Variants in RSRC1 observed in about 807,000 individuals in gnomAD.
RSRC1 encodes serine/Arginine-related protein 53.
RSRC1 carries 39 observed loss-of-function variants against 49.1 expected under a neutral mutation model. The ratio of observed to expected loss-of-function variants is 0.79; its 90% confidence interval spans 0.61 to 1.04. The LOEUF (loss-of-function observed/expected upper bound fraction) is 1.04. RSRC1 is among the 50% of genes least tolerant of loss of function. The pLI, the probability that RSRC1 is intolerant of heterozygous loss-of-function variation, is 0.00. For synonymous variants in RSRC1, 143 were observed against 130.8 expected (o/e 1.09, Z -0.63); for missense variants, 388 against 402.4 (o/e 0.96, Z 0.31).
At chr3:158,268,112 T>C (rs1167920503) in intron 4 of RSRC1, among the ~76,000 whole-genome samples, 3 of 152,154 alleles carry the variant, frequency 2.0e-5, no homozygotes, top group Non-Finnish European at 4.4e-5. Flanking sequence ...AGAATTTAAG[T>C]AGAGATAGAG....
chr3:158,381,080 T>C lies in RSRC1; in HGVS notation c.583+26172T>C, dbSNP rs563259636. Among the ~76,000 whole-genome samples, 93 of 152,308 alleles carry C rather than the reference T, an allele frequency of 6.1e-4. 1 individual carries two copies. The highest frequency in any genetic ancestry group is 2.2e-3 in the African/African-American group (90 of 41,570). On this transcript the variant is annotated intron_variant, in intron 6 of 9. Transcript: ENST00000611884. Reference sequence around the variant, plus strand: ...ACGTATGTCGTGAATGTATAAAATATATGTAGATACTAGTCTATGTTATTT... The same window carrying C: ...ACGTATGTCGTGAATGTATAAAATACATGTAGATACTAGTCTATGTTATTT...
chr3:158,251,042 T>C (rs1430404790), intron 4 of RSRC1, among the ~76,000 whole-genome samples: 6 of 152,194 alleles, frequency 3.9e-5, no homozygotes, highest in Non-Finnish European at 5.9e-5. Context: ...CCTAGTTTCA[T>C]TCTTCTGCAT....
chr3:158,445,224 A>G (rs888018508), intron 6 of RSRC1, among the ~76,000 whole-genome samples: 2 of 152,196 alleles, frequency 1.3e-5, no homozygotes, highest in African/African-American at 4.8e-5. Context: ...TTGCGGCACT[A>G]TTCACAATAG....
intron 4 of RSRC1, among the ~76,000 whole-genome samples, chr3:158,207,718 A>G (rs1248299496): frequency 6.6e-6 from 1 of 151,960 alleles, no homozygotes; most frequent in Non-Finnish European, 1.5e-5. Flanking sequence ...TAAAGCACAA[A>G]AAGCAAGGAC....
chr3:158,169,755 T>C (rs1334276233), intron 3 of RSRC1, among the ~76,000 whole-genome samples: 2 of 152,156 alleles, frequency 1.3e-5, no homozygotes, highest in Non-Finnish European at 2.9e-5. Context: ...ATTAAGATCC[T>C]CAGTTTCTAT....
At chr3:158,287,748 G>A (rs374968191) in intron 4 of RSRC1, among the ~76,000 whole-genome samples, 5 of 152,096 alleles carry the variant, frequency 3.3e-5, no homozygotes, top group African/African-American at 1.2e-4. Context: ...AATTGTATTT[G>A]TGTGTATTCA....
At chr3:158,530,915 A>AAT (rs1338632835) in intron 7 of RSRC1, among the ~76,000 whole-genome samples, 1 of 138,584 alleles carries the variant, frequency 7.2e-6, no homozygotes, top group East Asian at 2.0e-4. Context: ...ATAATAAATA[A>AAT]AAAAAAAAAG....
chr3:158,476,054 A>G (rs925992532), intron 7 of RSRC1, among the ~76,000 whole-genome samples: 2 of 152,218 alleles, frequency 1.3e-5, no homozygotes, highest in Non-Finnish European at 2.9e-5. Context: ...TATTGCTGAC[A>G]GGGAGAAAGT....
At chr3:158,135,054 A>C (rs1488112026) in intron 3 of RSRC1, among the ~76,000 whole-genome samples, 2 of 152,222 alleles carry the variant, frequency 1.3e-5, no homozygotes, top group Non-Finnish European at 1.5e-5. Flanking sequence ...AATACCCCTA[A>C]ATTCCTTAAA....
intron 7 of RSRC1, among the ~76,000 whole-genome samples, chr3:158,464,058 A>T (rs1737753484): frequency 6.6e-6 from 1 of 152,124 alleles, no homozygotes; most frequent in African/African-American, 2.4e-5. Context: ...GGAAAACTGA[A>T]TAGTATTAAA....
At chr3:158,317,821 A>G (rs138824716) in intron 5 of RSRC1, among the ~76,000 whole-genome samples, 32,869 of 151,794 alleles carry the variant, frequency 0.22, 4,089 homozygotes, top group Non-Finnish European at 0.29. Flanking sequence ...TGGGCTCCCA[A>G]AGTGCTGGGA....
At chr3:158,317,710 C>T (rs1211180068) in intron 5 of RSRC1, among the ~76,000 whole-genome samples, 1 of 152,006 alleles carries the variant, frequency 6.6e-6, no homozygotes, top group Non-Finnish European at 1.5e-5. Context: ...AGGCATATGC[C>T]ACCATGGCTG....
intron 7 of RSRC1, among the ~76,000 whole-genome samples, chr3:158,529,616 C>G (rs984973045): frequency 6.6e-6 from 1 of 151,882 alleles, no homozygotes; most frequent in African/African-American, 2.4e-5. Flanking sequence ...ACTTCTGCTA[C>G]CAGAACAGCT....
intron 6 of RSRC1, among the ~76,000 whole-genome samples, chr3:158,361,073 C>T (rs1031544618): frequency 2.0e-5 from 3 of 152,206 alleles, no homozygotes; most frequent in African/African-American, 4.8e-5. Flanking sequence ...CATGTGGCAG[C>T]TTTTCTTGAT....
chr3:158,378,311 T>C (rs1732488753), intron 6 of RSRC1, among the ~76,000 whole-genome samples: 1 of 152,242 alleles, frequency 6.6e-6, no homozygotes, highest in African/African-American at 2.4e-5. Context: ...AAATCTTTAC[T>C]GTTAATTTCA....
intron 3 of RSRC1, among the ~76,000 whole-genome samples, chr3:158,200,478 T>G (rs1409935321): frequency 1.3e-5 from 2 of 152,240 alleles, no homozygotes; most frequent in Non-Finnish European, 2.9e-5. Flanking sequence ...ATTTTGTTTA[T>G]TAATATCTAA....
intron 3 of RSRC1, among the ~76,000 whole-genome samples, chr3:158,164,358 CAAAT>C (rs1437173227): frequency 6.6e-6 from 1 of 151,462 alleles, no homozygotes; most frequent in Non-Finnish European, 1.5e-5. Flanking sequence ...CTTGATTTTC[CAAAT>C]AAATTGTTTT....
rs907376251 is a variant in RSRC1 at position 158,453,789 on chromosome 3, A to G, written c.584-7146A>G. Among the ~76,000 whole-genome samples, 98 of 152,096 alleles carry G rather than the reference A, an allele frequency of 6.4e-4. 1 individual carries two copies. The highest frequency in any genetic ancestry group is 2.4e-3 in the African/African-American group (98 of 41,466). ...TAATGTATGGCCCTGTGGCTTTTAA[A>G]TGTTTATGTTTGTGTGTATGTGTAT... On this transcript the variant is annotated intron_variant, in intron 6 of 9. Coordinates refer to ENST00000611884, the MANE Select transcript of RSRC1 (RefSeq NM_001271838.2).
chr3:158,244,190 G>A (rs1219002135), intron 4 of RSRC1, among the ~76,000 whole-genome samples: 4 of 152,000 alleles, frequency 2.6e-5, no homozygotes, highest in East Asian at 1.9e-4. Flanking sequence ...AGAGGGCATC[G>A]TCTTGTGCCA....
Sources: allele counts gnomAD v4.1 joint callset (sites outside exome capture counted in the v4.1 genomes callset), GRCh38; gene constraint gnomAD v4.1.1; transcripts MANE v1.5; gene names NCBI Gene and HGNC (gene_info 2026-07-23, HGNC 2026-07-21).